The following CDH13 variants were observed in gnomAD, a reference collection of about 807,000 sequenced individuals.
The protein encoded by CDH13 is cadherin 13.
Under a neutral mutation model 63.8 loss-of-function variants are expected in CDH13, and 24 were observed. The ratio of observed to expected loss-of-function variants is 0.38; its 90% CI spans 0.27 to 0.53. CDH13 has a LOEUF of 0.53. Among genes scored for constraint, CDH13 ranks in the 20% least tolerant of loss-of-function variants. CDH13 has a pLI of 0.85. For missense variants in CDH13, 1,049 were observed against 903.1 expected (o/e 1.16, Z -2.07); for synonymous variants, 503 against 355.3 (o/e 1.42, Z -4.67).
chr16:83,419,232 G>T (rs2071642731), intron 6 of CDH13, among the ~76,000 whole-genome samples: 1 of 152,070 alleles, frequency 6.6e-6, no homozygotes, highest in Non-Finnish European at 1.5e-5. Flanking sequence ...CTACATATAG[G>T]TTTACTGAGA....
chr16:82,852,109 C>G (rs1287089305), intron 1 of CDH13, among the ~76,000 whole-genome samples: 1 of 152,190 alleles, frequency 6.6e-6, no homozygotes, highest in Non-Finnish European at 1.5e-5. Context: ...TGTTCTCAAC[C>G]TCGTGAGATT....
chr16:82,729,790 A>T (rs575810712), intron 1 of CDH13, among the ~76,000 whole-genome samples: 2 of 152,228 alleles, frequency 1.3e-5, no homozygotes, highest in East Asian at 1.9e-4. Flanking sequence ...CAGTATAAAG[A>T]TGTTTTATCT....
intron 3 of CDH13, among the ~76,000 whole-genome samples, chr16:83,099,549 C>A (rs939893139): frequency 6.6e-6 from 1 of 151,526 alleles, no homozygotes; most frequent in Non-Finnish European, 1.5e-5. Context: ...GTCTCGAAGT[C>A]CTAACCTCAT....
intron 5 of CDH13, among the ~76,000 whole-genome samples, chr16:83,267,177 A>T (rs1181306232): frequency 6.6e-5 from 10 of 152,190 alleles, no homozygotes. Flanking sequence ...AGAAAACCCC[A>T]ACCCAACTGT....
intron 8 of CDH13, among the ~76,000 whole-genome samples, chr16:83,644,821 C>T (rs890190245): frequency 2.6e-5 from 4 of 152,206 alleles, no homozygotes; most frequent in East Asian, 1.9e-4. Flanking sequence ...TTCATGCTTC[C>T]ACGGGCATGA....
rs532356491 is a variant in CDH13 at position 83,483,658 on chromosome 16, G to A, written c.782-2819G>A. On this transcript the variant is annotated intron_variant, in intron 6 of 13. Transcript: ENST00000567109. ...GTCAAGTGTACTTAACTGGAGACTG[G>A]TGTGGAATTGATGGGGTTAAGGCCT... Among the ~76,000 whole-genome samples the A allele has an allele frequency of 5.3e-5, 8 of 152,120 alleles. No individual in the cohort carries two copies. The South Asian group carries it at 1.7e-3, about 32-fold the overall frequency.
intron 3 of CDH13, among the ~76,000 whole-genome samples, chr16:83,074,322 C>T (rs72796247): frequency 0.052 from 7,845 of 152,170 alleles, 227 homozygotes; most frequent in South Asian, 0.087. Flanking sequence ...AATATGATTT[C>T]GTTCTTTTTT....
chr16:83,401,703 C>T (rs1413832152), intron 6 of CDH13, among the ~76,000 whole-genome samples: 1 of 152,008 alleles, frequency 6.6e-6, no homozygotes, highest in Non-Finnish European at 1.5e-5. Flanking sequence ...GGATCTTACC[C>T]AAGGATGCGT....
chr16:83,266,086 G>A (rs1330109142), intron 5 of CDH13, among the ~76,000 whole-genome samples: 2 of 152,016 alleles, frequency 1.3e-5, no homozygotes, highest in African/African-American at 4.8e-5. Context: ...ACAGGCGCCT[G>A]CCACCACGTC....
intron 7 of CDH13, among the ~76,000 whole-genome samples, chr16:83,548,670 A>C (rs989344096): frequency 2.0e-5 from 3 of 152,180 alleles, no homozygotes; most frequent in African/African-American, 7.2e-5. Context: ...GGAGACATCC[A>C]AGTGAGGAGA....
chr16:82,803,248 A>T (rs1329545942), intron 1 of CDH13, among the ~76,000 whole-genome samples: 2 of 152,206 alleles, frequency 1.3e-5, no homozygotes, highest in African/African-American at 4.8e-5. Flanking sequence ...AAAGACGTGG[A>T]GAGGTAAAAG....
intron 1 of CDH13, among the ~76,000 whole-genome samples, chr16:82,688,699 A>C (rs903371330): frequency 1.3e-5 from 2 of 152,254 alleles, no homozygotes; most frequent in African/African-American, 2.4e-5. Context: ...GTGAGCATTC[A>C]ATTATTCTTA....
intron 6 of CDH13, among the ~76,000 whole-genome samples, chr16:83,452,312 C>G (rs2072906753): frequency 6.6e-6 from 1 of 151,938 alleles, no homozygotes; most frequent in Admixed American, 6.6e-5. Flanking sequence ...AAACCTTGCT[C>G]TTACATGACT....
intron 5 of CDH13, among the ~76,000 whole-genome samples, chr16:83,338,292 C>T (rs933139363): frequency 1.3e-5 from 2 of 151,986 alleles, no homozygotes; most frequent in Non-Finnish European, 2.9e-5. Flanking sequence ...AGCCTAGAGT[C>T]CATGGAGTCA....
intron 4 of CDH13, among the ~76,000 whole-genome samples, chr16:83,129,533 G>A (rs1051204737): frequency 3.9e-4 from 60 of 152,140 alleles, no homozygotes; most frequent in Admixed American, 1.8e-3. Context: ...AATGTCAGGG[G>A]CTAACTTTAA....
At chr16:83,590,372 A>G (rs1906614699) in intron 7 of CDH13, among the ~76,000 whole-genome samples, 1 of 152,158 alleles carries the variant, frequency 6.6e-6, no homozygotes, top group Admixed American at 6.5e-5. Context: ...GGAGCACTGG[A>G]TGAGCAGTTG....
chr16:82,803,254 A>G (rs900815477), intron 1 of CDH13, among the ~76,000 whole-genome samples: 2 of 152,228 alleles, frequency 1.3e-5, no homozygotes, highest in African/African-American at 4.8e-5. Flanking sequence ...GTGGAGAGGT[A>G]AAAGACATAA....
At chr16:83,271,528 AC>A (rs201659110) in intron 5 of CDH13, among the ~76,000 whole-genome samples, 1 of 147,054 alleles carries the variant, frequency 6.8e-6, no homozygotes, top group African/African-American at 2.6e-5. Flanking sequence ...AACAACAACA[AC>A]AAAAAAAAAC....
chr16:82,813,843 A>C lies in CDH13; in HGVS notation c.46-44519A>C, dbSNP rs539408985. ...TTGAAGTTCAATCAGTCTTGGTTTC[A>C]AGTATTAGCTATTCCTCAGATGATT... is the stretch of plus-strand genomic sequence containing the variant. On this transcript the variant is annotated intron_variant, in intron 1 of 13. Transcript: ENST00000567109. Among the ~76,000 whole-genome samples the C allele has an allele frequency of 2.0e-5, 3 of 152,280 alleles. No individual in the cohort carries two copies. The South Asian group carries it at 6.2e-4, about 32-fold the overall frequency.
Sources: allele counts gnomAD v4.1 joint callset (sites outside exome capture counted in the v4.1 genomes callset), GRCh38; gene constraint gnomAD v4.1.1; transcripts MANE v1.5; gene names NCBI Gene and HGNC (gene_info 2026-07-23, HGNC 2026-07-21).